The following TMEM108 variants were observed in gnomAD, a reference collection of about 807,000 sequenced individuals.
TMEM108 encodes the protein transmembrane protein 108.
In TMEM108, 12 loss-of-function variants were observed where a neutral mutation model predicts 35.1. The observed-to-expected ratio is 0.34, with a 90% confidence interval of 0.22 to 0.55. TMEM108 has a LOEUF of 0.55. TMEM108 is among the 20% of genes least tolerant of loss of function. The pLI is 0.89. For synonymous variants in TMEM108, 287 were observed against 308.6 expected (o/e 0.93, Z 0.73); for missense variants, 680 against 753.3 (o/e 0.90, Z 1.14).
At chr3:133,178,441 G>A (rs933982137) in intron 2 of TMEM108, among the ~76,000 whole-genome samples, 10 of 152,138 alleles carry the variant, frequency 6.6e-5, no homozygotes, top group African/African-American at 2.4e-4. Context: ...AAACAGCATG[G>A]TACTGGTACC....
At chr3:133,076,793 G>A (rs1251839200) in intron 2 of TMEM108, among the ~76,000 whole-genome samples, 3 of 152,240 alleles carry the variant, frequency 2.0e-5, no homozygotes, top group African/African-American at 7.2e-5. Context: ...TTCTTAGCCC[G>A]TCTTTGCCAT....
At chr3:133,045,812 A>G (rs1943333377) in intron 1 of TMEM108, 90 bp from the exon 2 acceptor site, 1 of 152,658 alleles carries the variant, frequency 6.6e-6, no homozygotes, top group Non-Finnish European at 1.5e-5. Flanking sequence ...TTGGGTAAGC[A>G]CTTAGTCTAC....
chr3:133,084,811 A>G lies in TMEM108; in HGVS notation c.-47+38791A>G, dbSNP rs527586293. On this transcript the variant is annotated intron_variant, in intron 2 of 5. Transcript: ENST00000321871. ...CACAGCACAGGGAGATAGAAGTTCA[A>G]ATATTCGTGAGATCATAGAGTGGGA... Among the ~76,000 whole-genome samples, 146 of 152,304 alleles carry G rather than the reference A, an allele frequency of 9.6e-4. 2 individuals carry two copies. The South Asian group carries it at 0.028, about 29-fold the overall frequency.
chr3:133,275,544 A>G (rs1576427133), intron 3 of TMEM108, among the ~76,000 whole-genome samples: 2 of 151,894 alleles, frequency 1.3e-5, no homozygotes, highest in African/African-American at 4.8e-5. Context: ...TGCAGCCTGG[A>G]CTCTTTTCTG....
chr3:133,362,128 G>A (rs180758509), intron 3 of TMEM108, among the ~76,000 whole-genome samples: 112 of 150,322 alleles, frequency 7.5e-4, no homozygotes, highest in African/African-American at 2.7e-3. Flanking sequence ...GGAGATGAGG[G>A]TCACAGACCC....
At chr3:133,092,827 A>G (rs551426072) in intron 2 of TMEM108, among the ~76,000 whole-genome samples, 3 of 152,336 alleles carry the variant, frequency 2.0e-5, no homozygotes, top group African/African-American at 7.2e-5. Context: ...TCATAGAGGC[A>G]TCAAGTATTT....
intron 3 of TMEM108, chr3:133,247,807 C>T (rs996812883): frequency 6.6e-6 from 1 of 152,098 alleles, no homozygotes; most frequent in Non-Finnish European, 1.5e-5. Flanking sequence ...TGAACCCTGC[C>T]CTCCAAGAGT....
chr3:133,272,966 C>T (rs1374890420), intron 3 of TMEM108, among the ~76,000 whole-genome samples: 2 of 152,116 alleles, frequency 1.3e-5, no homozygotes, highest in African/African-American at 4.8e-5. Flanking sequence ...TCAACAGCGT[C>T]CGCATTGATA....
chr3:133,064,753 C>T (rs1943575362), intron 2 of TMEM108, among the ~76,000 whole-genome samples: 1 of 150,668 alleles, frequency 6.6e-6, no homozygotes. Context: ...GATAGAGGTT[C>T]CAAAGGTAGA....
At chr3:133,134,455 A>G (rs1944536443) in intron 2 of TMEM108, among the ~76,000 whole-genome samples, 1 of 152,160 alleles carries the variant, frequency 6.6e-6, no homozygotes, top group South Asian at 2.1e-4. Flanking sequence ...CATGTGTGAT[A>G]TAATAAGAAA....
intron 3 of TMEM108, among the ~76,000 whole-genome samples, chr3:133,312,810 C>G (rs943650428): frequency 6.6e-6 from 1 of 152,190 alleles, no homozygotes; most frequent in African/African-American, 2.4e-5. Flanking sequence ...TCTTCTGCAT[C>G]GATCACGCTG....
intron 2 of TMEM108, among the ~76,000 whole-genome samples, chr3:133,135,167 T>TC (rs893319716): frequency 6.6e-6 from 1 of 152,004 alleles, no homozygotes; most frequent in Non-Finnish European, 1.5e-5. Flanking sequence ...GTTTTTTTTT[T>TC]TTTCTTTCTT....
At chr3:133,104,365 G>A (rs574395812) in intron 2 of TMEM108, among the ~76,000 whole-genome samples, 2 of 152,184 alleles carry the variant, frequency 1.3e-5, no homozygotes, top group African/African-American at 4.8e-5. Context: ...TTTGTCTGTA[G>A]CTGAATGTTT....
At chr3:133,128,148 T>A (rs1314230618) in intron 2 of TMEM108, among the ~76,000 whole-genome samples, 4 of 152,244 alleles carry the variant, frequency 2.6e-5, no homozygotes, top group Non-Finnish European at 5.9e-5. Context: ...AGTATAACAG[T>A]AACTCTATCA....
intron 2 of TMEM108, among the ~76,000 whole-genome samples, chr3:133,212,841 T>C (rs375650464): frequency 8.7e-4 from 111 of 128,018 alleles, no homozygotes; most frequent in African/African-American, 3.3e-3. Flanking sequence ...CACTCCAGCC[T>C]GAGTGACAGA....
intron 2 of TMEM108, among the ~76,000 whole-genome samples, chr3:133,077,768 G>A (rs1943759419): frequency 6.6e-6 from 1 of 152,104 alleles, no homozygotes; most frequent in Non-Finnish European, 1.5e-5. Context: ...CTGCTGCTTA[G>A]GGATACAGGA....
chr3:133,376,680 G>C (rs1480539840), intron 3 of TMEM108, among the ~76,000 whole-genome samples: 1 of 152,164 alleles, frequency 6.6e-6, no homozygotes, highest in African/African-American at 2.4e-5. Flanking sequence ...GACGTCCCCT[G>C]TGAGTTTGAG....
chr3:133,390,540 G>T (rs1273334571), intron 5 of TMEM108, among the ~76,000 whole-genome samples: 1 of 141,266 alleles, frequency 7.1e-6, no homozygotes, highest in Non-Finnish European at 1.5e-5. Context: ...GGTGCTTTCT[G>T]CACAGTAAAT....
At chr3:133,271,811 A>C (rs1370672586) in intron 3 of TMEM108, among the ~76,000 whole-genome samples, 1 of 152,066 alleles carries the variant, frequency 6.6e-6, no homozygotes, top group Non-Finnish European at 1.5e-5. Flanking sequence ...CCATGGGCCA[A>C]CCTTATTCCT....
Sources: gnomAD v4.1 joint callset for allele counts (sites outside exome capture counted in the v4.1 genomes callset) on GRCh38, gnomAD v4.1.1 for gene constraint, MANE v1.5 for transcripts, NCBI Gene and HGNC (gene_info 2026-07-23, HGNC 2026-07-21) for gene names.